Variants in KCNK3 observed in about 807,000 individuals in gnomAD.
The protein encoded by KCNK3 is potassium channel subfamily K member 3.
In KCNK3, 9 loss-of-function variants were observed where a neutral mutation model predicts 27.3. That is an observed-to-expected ratio of 0.33 (90% CI 0.20 to 0.57). KCNK3 has a LOEUF of 0.57. Ranked by LOEUF, KCNK3 falls within the 20% of genes least tolerant of loss-of-function variation. The pLI is 0.87. For synonymous variants in KCNK3, 278 were observed against 273.8 expected, an observed-to-expected ratio of 1.02 and a Z score of -0.15; for missense variants, 391 against 577.7, an observed-to-expected ratio of 0.68 and a Z score of 3.31.
rs1663465354 is a variant in KCNK3 at position 26,728,226 on chromosome 2, T to C, written c.843T>C (p.Thr281=). Reference sequence around the variant, plus strand: ...GCGGAGGGGGTGGCAGCGCGCACACTACGGACACCGCCTCATCCACGGCGG... The same window carrying C: ...GCGGAGGGGGTGGCAGCGCGCACACCACGGACACCGCCTCATCCACGGCGG... ...GGGGGGGSAH[T]TDTASSTAAA... Residue 281 remains threonine (T), a synonymous_variant, in exon 2 of 2, where the codon ACT becomes ACC. Transcript: ENST00000302909. 1 of 1,568,330 alleles carries C rather than the reference T, an allele frequency of 6.4e-7. No homozygotes were observed. Among genetic ancestry groups the C allele is most frequent in the African/African-American group, 1.4e-5 (1 of 73,774 alleles).
chr2:26,719,526 C>T (rs1248225212), intron 1 of KCNK3, among the ~76,000 whole-genome samples: 2 of 152,194 alleles, frequency 1.3e-5, no homozygotes, highest in Non-Finnish European at 2.9e-5. Flanking sequence ...CCTCCTTCGG[C>T]TTCTGTCTTA....
At chr2:26,709,346 G>T (rs1558598404) in intron 1 of KCNK3, among the ~76,000 whole-genome samples, 2 of 152,186 alleles carry the variant, frequency 1.3e-5, no homozygotes. Flanking sequence ...CTGGCAAGAA[G>T]AGCAGAGCGC....
intron 1 of KCNK3, among the ~76,000 whole-genome samples, chr2:26,714,164 T>C (rs906484588): frequency 1.3e-5 from 2 of 152,012 alleles, no homozygotes; most frequent in Admixed American, 1.3e-4. Context: ...CGCCAGGCCT[T>C]GTACTGGACA....
At chr2:26,711,879 G>A (rs1483516496) in intron 1 of KCNK3, among the ~76,000 whole-genome samples, 1 of 152,150 alleles carries the variant, frequency 6.6e-6, no homozygotes, top group Non-Finnish European at 1.5e-5. Context: ...GGGGGAGGGA[G>A]CAGGGTAGCA....
chr2:26,709,815 G>A (rs548163252), intron 1 of KCNK3, among the ~76,000 whole-genome samples: 29 of 152,110 alleles, frequency 1.9e-4, no homozygotes, highest in African/African-American at 6.8e-4. Context: ...GGCGATGGGC[G>A]CAGGGCTACT....
intron 1 of KCNK3, among the ~76,000 whole-genome samples, chr2:26,694,229 T>C (rs568340633): frequency 1.8e-4 from 28 of 152,160 alleles, no homozygotes; most frequent in Middle Eastern, 3.4e-3. Flanking sequence ...CAAGAGCTCC[T>C]CCCCAGCCCC....
At position 26,729,925 on chromosome 2, in the gene KCNK3, C is replaced by T. The variant is rs919227991; in HGVS notation, c.*1357C>T. Reference sequence around the variant, plus strand: ...TTCTTTCCTTCCAGCTTGGCCTGCTCTTAAAAGCAAAGCTCCTGCAGTGTA... The same window carrying T: ...TTCTTTCCTTCCAGCTTGGCCTGCTTTTAAAAGCAAAGCTCCTGCAGTGTA... On this transcript the variant is annotated 3_prime_UTR_variant, in exon 2 of 2. Transcript: ENST00000302909. 7 of 152,112 alleles carry T rather than the reference C, an allele frequency of 4.6e-5. No homozygotes were observed. The highest frequency in any genetic ancestry group is 1.7e-4 in the African/African-American group (7 of 41,398). The allele number at this position is 152,112 out of a possible 1,614,324, so 9.4% of individuals were successfully genotyped here.
rs534873502 is a variant in KCNK3 at position 26,721,756 on chromosome 2, C to G, written c.284-5911C>G. 6.6e-6 allele frequency among the ~76,000 whole-genome samples: 1 copy of G among 152,258 alleles called. No homozygotes were observed. Among genetic ancestry groups the G allele is most frequent in the Non-Finnish European group, 1.5e-5 (1 of 68,044 alleles). On this transcript the variant is annotated intron_variant, in intron 1 of 1. Transcript: ENST00000302909. The surrounding 1 kb of genome is among the most constrained non-coding windows in gnomAD (Gnocchi z 4.3). ...GGCCCAAGCCACACTGAGGTCACTT[C>G]GGCATCAGCCCAGAGTTCACGGCCT...
intron 1 of KCNK3, among the ~76,000 whole-genome samples, chr2:26,714,548 C>G (rs1412500470): frequency 3.1e-4 from 1 of 3,198 alleles, no homozygotes; most frequent in Non-Finnish European, 5.7e-4. Flanking sequence ...GAGCACCCGC[C>G]TGCCTGTCCT....
chr2:26,716,380 GA>G (rs1448901344), intron 1 of KCNK3, among the ~76,000 whole-genome samples: 2 of 152,160 alleles, frequency 1.3e-5, no homozygotes, highest in African/African-American at 4.8e-5. Flanking sequence ...TATTATTCTA[GA>G]ACTCAGAGCA....
At chr2:26,703,499 TG>T (rs1282458704) in intron 1 of KCNK3, among the ~76,000 whole-genome samples, 1 of 152,222 alleles carries the variant, frequency 6.6e-6, no homozygotes, top group East Asian at 1.9e-4. Flanking sequence ...AGGGGCAGCC[TG>T]GAGAGTTTGA....
chr2:26,695,071 A>C (rs1048920000), intron 1 of KCNK3, among the ~76,000 whole-genome samples: 12 of 152,134 alleles, frequency 7.9e-5, no homozygotes, highest in Non-Finnish European at 1.8e-4. Context: ...TCAAATTTTG[A>C]GGATCTCCAT....
chr2:26,717,025 G>T (rs766527425), intron 1 of KCNK3, among the ~76,000 whole-genome samples: 20 of 152,296 alleles, frequency 1.3e-4, no homozygotes, highest in Non-Finnish European at 2.4e-4. Context: ...TTCTATGGCA[G>T]AGTCAAGTAG....
intron 1 of KCNK3, among the ~76,000 whole-genome samples, chr2:26,725,411 T>C (rs7586627): frequency 0.41 from 62,249 of 152,008 alleles, 14,814 homozygotes; most frequent in Non-Finnish European, 0.53. Context: ...TAGGGATTTG[T>C]CCAAGGTCAC....
In KCNK3 at chr2:26,728,169, G is replaced by A; in HGVS notation, c.786G>A (p.Ala262=). The A allele has an allele frequency of 1.3e-6, 2 of 1,574,506 alleles. No homozygotes were observed. The highest frequency in any genetic ancestry group is 2.3e-5 in the South Asian group (2 of 87,064). The change falls in exon 2 of 2, where the codon GCG becomes GCA. Residue 262 remains alanine, a synonymous_variant. Transcript: ENST00000302909. ...EDEKRDAEHR[A]LLTRNGQAGG... is the part of the protein sequence containing the mutation. ...AGAAGCGCGACGCCGAGCACCGCGCGCTGCTCACGCGCAACGGGCAGGCGG... is the reference window on the plus strand; with the variant it reads ...AGAAGCGCGACGCCGAGCACCGCGCACTGCTCACGCGCAACGGGCAGGCGG...
In KCNK3 at chr2:26,732,230, T is replaced by G. The variant is rs1417925286; in HGVS notation, c.*3662T>G. On this transcript the variant is annotated 3_prime_UTR_variant, in exon 2 of 2. Coordinates refer to ENST00000302909, the MANE Select transcript of KCNK3 (RefSeq NM_002246.3). ...GTAATAGCACACAGCTCTGTACCTA[T>G]CTAGCTCCATGCCTATCTATCTGCC... 2 of 152,216 alleles carry G rather than the reference T, an allele frequency of 1.3e-5. No homozygotes were observed. The highest frequency in any genetic ancestry group is 2.1e-4 in the South Asian group (1 of 4,820). 9.4% of individuals were successfully genotyped at this position (152,216 alleles called of 1,614,324 possible).
chr2:26,728,569 C>T lies in KCNK3; in HGVS notation c.*1C>T. ...CATGAAGCGCAGGAGCTCCGTGTGA[C>T]TGCCCCGAGGGGCCTGGAGCACCTG... On this transcript the variant is annotated 3_prime_UTR_variant, in exon 2 of 2. Transcript: ENST00000302909. 1 of 1,440,946 alleles carries T rather than the reference C, an allele frequency of 6.9e-7. No individual in the cohort carries two copies. The highest frequency in any genetic ancestry group is 2.4e-4 in the Middle Eastern group (1 of 4,236). The allele number at this position is 1,440,946 out of a possible 1,614,324, so 89.3% of individuals were successfully genotyped here.
intron 1 of KCNK3, among the ~76,000 whole-genome samples, chr2:26,711,375 C>G (rs1007737157): frequency 4.6e-5 from 7 of 152,206 alleles, no homozygotes; most frequent in Admixed American, 6.5e-5. Flanking sequence ...CTGCCCCGCA[C>G]TCTCCCACTA....
In KCNK3 at chr2:26,721,908, C is replaced by T. The variant is rs1441106143; in HGVS notation, c.284-5759C>T. On this transcript the variant is annotated intron_variant, in intron 1 of 1. Coordinates refer to ENST00000302909, the MANE Select transcript of KCNK3 (RefSeq NM_002246.3). The surrounding 1 kb of genome is among the most constrained non-coding windows in gnomAD (Gnocchi z 4.3). ...CAGGCACAGCTGGCATTGCCAAGGG[C>T]TGTGGTTTCTAATCTACAGAAGGGC... Among the ~76,000 whole-genome samples, 1 of 152,194 alleles carries T rather than the reference C, an allele frequency of 6.6e-6. No individual in the cohort carries two copies. Among genetic ancestry groups the T allele is most frequent in the African/African-American group, 2.4e-5 (1 of 41,450 alleles).
Sources: allele counts gnomAD v4.1 joint callset (sites outside exome capture counted in the v4.1 genomes callset), GRCh38; gene constraint gnomAD v4.1.1; non-coding constraint Gnocchi (gnomAD v3.1); transcripts MANE v1.5; gene names NCBI Gene and HGNC (gene_info 2026-07-23, HGNC 2026-07-21).